Variants in IL1RAPL1 observed in about 807,000 individuals in gnomAD.
IL1RAPL1 encodes interleukin 1 receptor accessory protein like 1, also known as interleukin-1 receptor accessory protein-like 1.
Under a neutral mutation model 48.4 loss-of-function variants are expected in IL1RAPL1, and 3 were observed. That is an observed-to-expected ratio of 0.06 (90% CI 0.03 to 0.16). The LOEUF (loss-of-function observed/expected upper bound fraction) is 0.16. Ranked by LOEUF, IL1RAPL1 falls within the 10% of genes least tolerant of loss-of-function variation. IL1RAPL1 has a pLI of 1.00. For missense variants in IL1RAPL1, 349 were observed against 530.6 expected (o/e 0.66, Z 3.36); for synonymous variants, 185 against 187.7 (o/e 0.99, Z 0.12).
At chrX:29,481,113 G>T (rs1296206606) in intron 5 of IL1RAPL1, among the ~76,000 whole-genome samples, 1 of 112,214 alleles carries the variant, frequency 8.9e-6, no homozygotes. Context: ...ATTTAAGTTT[G>T]TCTTTACATT....
At chrX:28,646,273 G>A (rs974350913) in intron 1 of IL1RAPL1, among the ~76,000 whole-genome samples, 2 of 111,805 alleles carry the variant, frequency 1.8e-5, no homozygotes, top group East Asian at 5.7e-4. Flanking sequence ...TGAGAATGTA[G>A]GGCCTCCCAT....
intron 2 of IL1RAPL1, among the ~76,000 whole-genome samples, chrX:29,177,183 C>T (rs774336268): frequency 5.3e-4 from 59 of 111,748 alleles, no homozygotes; most frequent in African/African-American, 1.9e-3. Context: ...CATTAGAGGA[C>T]ATACCATAAT....
At chrX:29,055,188 C>CT (rs1927184096) in intron 2 of IL1RAPL1, among the ~76,000 whole-genome samples, 1 of 111,303 alleles carries the variant, frequency 9.0e-6, no homozygotes, top group African/African-American at 3.3e-5. Context: ...TTTTGTTTTT[C>CT]TATAAATATA....
At chrX:29,850,057 A>G (rs1329440824) in intron 6 of IL1RAPL1, among the ~76,000 whole-genome samples, 4 of 111,518 alleles carry the variant, frequency 3.6e-5, no homozygotes, top group African/African-American at 1.3e-4. Context: ...ACAAGAGTGA[A>G]CCCGATGCAC....
chrX:29,364,413 A>G (rs1933417748), intron 3 of IL1RAPL1, among the ~76,000 whole-genome samples: 1 of 108,255 alleles, frequency 9.2e-6, no homozygotes, highest in Admixed American at 1.0e-4. Context: ...ACAAAAGACA[A>G]TTAGCCAGGC....
chrX:29,251,835 T>G (rs112782101), intron 2 of IL1RAPL1, among the ~76,000 whole-genome samples: 58 of 111,278 alleles, frequency 5.2e-4, no homozygotes, highest in African/African-American at 1.7e-3. Flanking sequence ...ATGGATTTTG[T>G]TAAACAACAT....
At chrX:29,410,706 A>G (rs1195367202) in intron 5 of IL1RAPL1, among the ~76,000 whole-genome samples, 1 of 111,908 alleles carries the variant, frequency 8.9e-6, no homozygotes, top group African/African-American at 3.3e-5. Context: ...TGAGCTTGCA[A>G]GAATGTTCTT....
rs143744313 is a variant in IL1RAPL1, at chrX:29,860,876, T to G, written c.779-56588T>G. Among the ~76,000 whole-genome samples the G allele has an allele frequency of 3.3e-3, 369 of 112,396 alleles. 2 individuals carry two copies. The highest frequency in any genetic ancestry group is 0.011 in the African/African-American group (338 of 31,032). On this transcript the variant is annotated intron_variant, in intron 6 of 10. Coordinates refer to ENST00000378993, the MANE Select transcript of IL1RAPL1 (RefSeq NM_014271.4). ...TGTCACCTTAGCACCTCTTTCTTTT[T>G]GTTTGCCTTTGGAAAATTCTGTTGA...
At chrX:29,838,086 AAGCGTTCC>A (rs2147191986) in intron 6 of IL1RAPL1, among the ~76,000 whole-genome samples, 1 of 111,592 alleles carries the variant, frequency 9.0e-6, no homozygotes, top group African/African-American at 3.3e-5. Flanking sequence ...TCCAGGGAAG[AAGCGTTCC>A]TAAAGTCTGT....
chrX:28,981,278 A>T (rs181273800), intron 2 of IL1RAPL1, among the ~76,000 whole-genome samples: 173 of 108,696 alleles, frequency 1.6e-3, no homozygotes, highest in South Asian at 3.7e-3. Flanking sequence ...CCTTATTAAC[A>T]TTGATACTAA....
rs1198120274 is a variant in IL1RAPL1, at chrX:29,476,872, C to CTTTTTT, written c.703+77578_703+77583dup. Among the ~76,000 whole-genome samples, 109 of 53,887 alleles carry CTTTTTT rather than the reference C, an allele frequency of 2.0e-3. 20 individuals are homozygous for CTTTTTT. The highest frequency in any genetic ancestry group is 0.012 in the African/African-American group (90 of 7,317). The allele number at this position is 53,887 out of a possible 115,157, so 46.8% of individuals were successfully genotyped here. ...GACTCATTTACTTTTTACCCATATT[C>CTTTTTT]TTTTTTTTTTTTTTTTTTTGAGACG... On this transcript the variant is annotated intron_variant, in intron 5 of 10. Transcript: ENST00000378993.
At position 29,678,589 on chromosome X, in the gene IL1RAPL1, C is replaced by T. The variant is rs767255438; in HGVS notation, c.778+10085C>T. Among the ~76,000 whole-genome samples, 3 of 107,599 alleles carry T rather than the reference C, an allele frequency of 2.8e-5. No homozygotes were observed. In the South Asian group the frequency reaches 1.3e-3, roughly 45 times the overall value. 93.4% of individuals were successfully genotyped at this position (107,599 alleles called of 115,157 possible). A position where few individuals can be genotyped will look rare whatever the true frequency, so the allele number is the denominator to read the frequency against. On this transcript the variant is annotated intron_variant, in intron 6 of 10. Coordinates refer to ENST00000378993, the MANE Select transcript of IL1RAPL1 (RefSeq NM_014271.4). ...CCCACCATGTTAGCCAGGATGGTCT[C>T]GATCTCCTGACCTCGTGATCTGCCC...
intron 6 of IL1RAPL1, among the ~76,000 whole-genome samples, chrX:29,777,846 A>T (rs1314065539): frequency 9.0e-6 from 1 of 110,640 alleles, no homozygotes; most frequent in Non-Finnish European, 1.9e-5. Context: ...CTTGGTAAAA[A>T]TGCTTTCTAT....
At chrX:29,617,457 C>T (rs7883399) in intron 5 of IL1RAPL1, among the ~76,000 whole-genome samples, 8,417 of 111,896 alleles carry the variant, frequency 0.075, 275 homozygotes, top group Middle Eastern at 0.17. Flanking sequence ...AGAAAGGAAG[C>T]ACAGTCCTTA....
intron 1 of IL1RAPL1, among the ~76,000 whole-genome samples, chrX:28,669,659 ATTAT>A (rs1244729605): frequency 9.7e-6 from 1 of 103,593 alleles, no homozygotes; most frequent in Admixed American, 1.1e-4. Flanking sequence ...ATATATATAA[ATTAT>A]TTATATAATT....
intron 2 of IL1RAPL1, among the ~76,000 whole-genome samples, chrX:29,125,733 T>A: frequency 9.0e-6 from 1 of 111,215 alleles, no homozygotes; most frequent in Non-Finnish European, 1.9e-5. Context: ...GTTTTTGTTT[T>A]GACTGCCATC....
intron 7 of IL1RAPL1, 78 bp downstream of exon 7, chrX:29,917,674 AT>A (rs778228325): frequency 4.2e-4 from 380 of 894,747 alleles, no homozygotes; most frequent in Middle Eastern, 1.4e-3. Context: ...AGCTGAAAGG[AT>A]TTTTTTTTGT....
intron 1 of IL1RAPL1, among the ~76,000 whole-genome samples, chrX:28,740,702 T>C (rs184548752): frequency 3.6e-5 from 4 of 111,403 alleles, no homozygotes; most frequent in South Asian, 3.8e-4. Flanking sequence ...TTTGTGTCCA[T>C]GTGTACTCAA....
rs761189825 is a variant in IL1RAPL1, at chrX:29,079,891, A to AT, written c.83-203046dup. On this transcript the variant is annotated intron_variant, in intron 2 of 10. Transcript: ENST00000378993. ...GAGCATGTTCAGTAAAGACATACAA[A>AT]TAAATAAAAGTGACTTTGATGATAA... 4.3e-3 allele frequency among the ~76,000 whole-genome samples: 477 copies of AT among 111,426 alleles called. 7 individuals are homozygous for AT. Among genetic ancestry groups the AT allele is most frequent in the African/African-American group, 0.015 (470 of 30,674 alleles).
Sources: gnomAD v4.1 joint callset for allele counts (sites outside exome capture counted in the v4.1 genomes callset) on GRCh38, gnomAD v4.1.1 for gene constraint, MANE v1.5 for transcripts, NCBI Gene and HGNC (gene_info 2026-07-23, HGNC 2026-07-21) for gene names.